Variants in HELZ observed in about 807,000 individuals in gnomAD.
HELZ encodes ATP-dependent RNA helicase with zinc finger domain.
In HELZ, 23 loss-of-function variants were observed where a neutral mutation model predicts 218.2. The observed-to-expected ratio is 0.11, with a 90% confidence interval of 0.08 to 0.15. The LOEUF (loss-of-function observed/expected upper bound fraction) is 0.15, where lower values mean the gene tolerates loss of function less well. Among genes scored for constraint, HELZ ranks in the 10% least tolerant of loss-of-function variants. The probability of loss-of-function intolerance (pLI) is 1.00; values close to 1 mark genes in which losing one functional copy is unlikely to be tolerated. For missense variants in HELZ, 1,813 were observed against 2,353.7 expected (o/e 0.77, Z 4.75); for synonymous variants, 814 against 829.4 (o/e 0.98, Z 0.32).
chr17:67,156,841 T>C (rs529459148), intron 17 of HELZ, among the ~76,000 whole-genome samples: 1 of 152,296 alleles, frequency 6.6e-6, no homozygotes, highest in South Asian at 2.1e-4. Flanking sequence ...TACTCATTTA[T>C]ATAGTATGGA....
intron 5 of HELZ, among the ~76,000 whole-genome samples, chr17:67,206,300 G>A (rs1008108323): frequency 1.3e-5 from 2 of 152,146 alleles, no homozygotes; most frequent in Admixed American, 6.5e-5. Flanking sequence ...CTGTCAGCTC[G>A]CTGTGTATCT....
intron 13 of HELZ, among the ~76,000 whole-genome samples, chr17:67,172,794 T>C (rs1598366957): frequency 1.3e-5 from 2 of 152,070 alleles, no homozygotes; most frequent in African/African-American, 4.8e-5. Flanking sequence ...TTTGTAGAGA[T>C]GGGGTCTCGC....
chr17:67,145,157 C>T (rs918854725), intron 21 of HELZ, among the ~76,000 whole-genome samples: 3 of 152,180 alleles, frequency 2.0e-5, no homozygotes, highest in Admixed American at 2.0e-4. Context: ...TCCCTCCTGA[C>T]GGACAGAACC....
At chr17:67,237,692 T>C (rs2143489933) in intron 3 of HELZ, among the ~76,000 whole-genome samples, 1 of 152,256 alleles carries the variant, frequency 6.6e-6, no homozygotes, top group East Asian at 1.9e-4. Context: ...AGTCATTTTA[T>C]TAAGAGCTGA....
rs780841633 is a variant in HELZ at position 67,077,102 on chromosome 17, G to T, written c.*1150C>A. Reference sequence around the variant, plus strand: ...AAGTTCAATAAGGGGTATTTTAGAAGAATTGAAAGACATGAAAAACAAGGG... The same window carrying T: ...AAGTTCAATAAGGGGTATTTTAGAATAATTGAAAGACATGAAAAACAAGGG... On this transcript the variant is annotated 3_prime_UTR_variant, in exon 33 of 33. Transcript: ENST00000358691. 1.3e-5 allele frequency: 2 copies of T among 152,340 alleles called. No individual in the cohort carries two copies. The highest frequency in any genetic ancestry group is 4.8e-5 in the African/African-American group (2 of 41,430). The allele number at this position is 152,340 out of a possible 1,614,324, so 9.4% of individuals were successfully genotyped here.
In HELZ at chr17:67,108,676, G is replaced by T. The variant is rs1437722879; in HGVS notation, c.4540C>A (p.Arg1514=). The T allele has an allele frequency of 1.2e-6, 2 of 1,613,998 alleles. No homozygotes were observed. Among genetic ancestry groups the T allele is most frequent in the East Asian group, 4.5e-5 (2 of 44,876 alleles). Residue 1514 remains arginine, a synonymous_variant, in exon 30 of 33, where the codon CGG becomes AGG. Transcript: ENST00000358691. This position sits in a 1 kb window ranked among gnomAD's most constrained non-coding sequence, Gnocchi z 4.1. ...TGATGCTCGCTCCACTGCTGGAACC[G>T]TGCCTGCTGCTGCCTTAATGTTTCC... ...ALETLRQQQA[R]FQQWSEHHAF...
Position 67,077,338 on chromosome 17 carries a change from C to T in HELZ, c.*914G>A, listed in dbSNP as rs1179385142. 6.6e-6 allele frequency: 1 copy of T among 152,336 alleles called. No homozygotes were observed. The highest frequency in any genetic ancestry group is 1.5e-5 in the Non-Finnish European group (1 of 67,960). 9.4% of individuals were successfully genotyped at this position (152,336 alleles called of 1,614,324 possible). On this transcript the variant is annotated 3_prime_UTR_variant, in exon 33 of 33. Transcript: ENST00000358691. ...CCTTAAAGCGGCACAATTCTTTATA[C>T]CACTGGAGAAGAGGGAAGCCAGGTT...
At chr17:67,216,569 T>C (rs2143281387) in intron 4 of HELZ, among the ~76,000 whole-genome samples, 1 of 152,228 alleles carries the variant, frequency 6.6e-6, no homozygotes, top group Non-Finnish European at 1.5e-5. Flanking sequence ...TTTTCTTTAG[T>C]GTCTCTTCAT....
At chr17:67,215,998 G>T in intron 4 of HELZ, 63 bp from the exon 5 acceptor site, 1 of 932,120 alleles carries the variant, frequency 1.1e-6, no homozygotes, top group African/African-American at 1.6e-5. Context: ...CAGAGATGTT[G>T]TCAAAGGGAA....
At chr17:67,244,544 A>C in intron 1 of HELZ, 1 of 766,358 alleles carries the variant, frequency 1.3e-6, no homozygotes, top group Non-Finnish European at 1.6e-6. Context: ...ATTTTTGTTG[A>C]TGTGCTTGTG....
At chr17:67,242,892 C>T (rs1159174802) in intron 2 of HELZ, among the ~76,000 whole-genome samples, 1 of 148,528 alleles carries the variant, frequency 6.7e-6, no homozygotes, top group African/African-American at 2.5e-5. Flanking sequence ...GTGATAGACA[C>T]GAAAAATTTG....
At chr17:67,194,374 A>T (rs2039971783) in intron 8 of HELZ, among the ~76,000 whole-genome samples, 4 of 152,084 alleles carry the variant, frequency 2.6e-5, no homozygotes, top group Non-Finnish European at 4.4e-5. Flanking sequence ...TAGGCATGGG[A>T]TGTTTGTCTA....
intron 1 of HELZ, chr17:67,244,566 A>G (rs1284138018): frequency 1.2e-5 from 9 of 733,636 alleles, no homozygotes; most frequent in African/African-American, 2.1e-5. Flanking sequence ...GCCAAAGAGC[A>G]TTTCCGAGGA....
chr17:67,181,552 C>T (rs1280204193), intron 12 of HELZ, among the ~76,000 whole-genome samples: 3 of 152,004 alleles, frequency 2.0e-5, no homozygotes, highest in Admixed American at 1.3e-4. Flanking sequence ...ATTATGTATC[C>T]ATAAAAATTA....
rs888452305 is a variant in HELZ, at chr17:67,188,434, G to T, written c.1047C>A (p.Val349=). 6.2e-7 allele frequency: 1 copy of T among 1,613,824 alleles called. No homozygotes were observed. Among genetic ancestry groups the T allele is most frequent in the Non-Finnish European group, 8.5e-7 (1 of 1,179,820 alleles). Residue 349 remains valine (V), a synonymous_variant, in exon 12 of 33, where the codon GTC becomes GTA. Coordinates refer to ENST00000358691, the MANE Select transcript of HELZ (RefSeq NM_014877.4). The surrounding 1 kb of genome is among the most constrained non-coding windows in gnomAD (Gnocchi z 4.1). The part of the protein sequence containing the change: ...QNGLDHYVYK[V]GIAFNTEIFG... ...ATATTTCTGTGTTAAATGCTATCCC[G>T]ACTTTATACACGTAATGATCTAATC...
intron 30 of HELZ, among the ~76,000 whole-genome samples, 154 bp from the exon 31 acceptor site, chr17:67,107,839 C>T (rs1445786265): frequency 5.3e-5 from 8 of 152,174 alleles, no homozygotes; most frequent in Admixed American, 5.2e-4. Flanking sequence ...CATTAACACT[C>T]AATAGATGCT....
intron 12 of HELZ, among the ~76,000 whole-genome samples, chr17:67,180,222 G>A (rs373336637): frequency 6.6e-5 from 10 of 152,170 alleles, no homozygotes; most frequent in Admixed American, 6.5e-5. Context: ...AGTAGCTCCC[G>A]CCTGTAACCC....
chr17:67,150,132 T>A, intron 18 of HELZ, 147 bp from the exon 19 acceptor site: 4 of 210,836 alleles, frequency 1.9e-5, no homozygotes, highest in Non-Finnish European at 2.7e-5. Context: ...TTTTCTTTCT[T>A]TTTTTTTTTT....
intron 3 of HELZ, among the ~76,000 whole-genome samples, chr17:67,222,653 G>A (rs1192999960): frequency 6.6e-6 from 1 of 152,142 alleles, no homozygotes; most frequent in Non-Finnish European, 1.5e-5. Flanking sequence ...GTTTTGTCGA[G>A]CTTTTCAGAA....
Sources: gnomAD v4.1 joint callset for allele counts (sites outside exome capture counted in the v4.1 genomes callset) on GRCh38, gnomAD v4.1.1 for gene constraint, Gnocchi (gnomAD v3.1) non-coding constraint, MANE v1.5 for transcripts, NCBI Gene and HGNC (gene_info 2026-07-23, HGNC 2026-07-21) for gene names.